Variants in AMN observed in about 807,000 individuals in gnomAD.
The protein encoded by AMN is amnion associated transmembrane protein.
In AMN, 40 loss-of-function variants were observed where a neutral mutation model predicts 49.1. That is an observed-to-expected ratio of 0.81 (90% confidence interval 0.63 to 1.06). AMN has a LOEUF of 1.06. Among genes scored for constraint, AMN ranks in the 50% least tolerant of loss-of-function variants. The pLI, the probability that AMN is intolerant of heterozygous loss-of-function variation, is 0.00. For missense variants in AMN, 701 were observed against 662.8 expected (o/e 1.06, Z -0.63); for synonymous variants, 380 against 313.3 (o/e 1.21, Z -2.25).
chr14:102,929,951 GTGTC>G lies in AMN; in HGVS notation c.872_875del (p.Val291AlafsTer122), dbSNP rs2139311803. 6.4e-7 allele frequency: 1 copy of G among 1,563,356 alleles called. No individual in the cohort carries two copies. The highest frequency in any genetic ancestry group is 1.2e-5 in the South Asian group (1 of 84,772). ...TCAGTACCACGGGCTGCAGGTGGCC[GTGTC>G]CAAGGTGCCACGCTCGTCCCGGCTC... On this transcript the variant is annotated frameshift_variant, in exon 9 of 12. Transcript: ENST00000299155. LOFTEE classifies it high-confidence loss of function.
rs777755176 is a variant in AMN, at chr14:102,928,865, G to A, written c.403G>A (p.Val135Met). Residue 135 changes from valine (V) to methionine (M), a missense_variant, in exon 5 of 12, where the codon GTG becomes ATG. Val to Met is a conservative substitution (Grantham distance 21, BLOSUM62 1). Transcript: ENST00000299155. ...CCTCTTCTTCGTGGACGCCGAGCGC[G>A]TGCCCTGCCGCCACGACGACGTCTT... ...PGLFFVDAERVPCRHDDVFFP... is the reference protein window; with the variant it reads ...PGLFFVDAERMPCRHDDVFFP... 2 of 1,604,308 alleles carry A rather than the reference G, an allele frequency of 1.2e-6. No individual in the cohort carries two copies. Among genetic ancestry groups the A allele is most frequent in the East Asian group, 2.2e-5 (1 of 44,878 alleles).
In AMN at chr14:102,929,481, C is replaced by G. The variant is rs577843988; in HGVS notation, c.705C>G (p.Pro235=). 1.7e-5 allele frequency: 26 copies of G among 1,532,092 alleles called. No homozygotes were observed. Among genetic ancestry groups the G allele is most frequent in the Admixed American group, 1.4e-4 (7 of 50,866 alleles). The allele number at this position is 1,532,092 out of a possible 1,614,324, so 94.9% of individuals were successfully genotyped here. The change falls in exon 7 of 12, where the codon CCC becomes CCG. Residue 235 remains proline, a synonymous_variant. Coordinates refer to ENST00000299155, the MANE Select transcript of AMN (RefSeq NM_030943.4). ...TCCAGCCCCTGGGCGGCCGCTGCCC[C>G]CAGGCCGCCTGCCACAGCGCCCTCC... The part of the protein sequence containing the change: ...ALLQPLGGRC[P]QAACHSALRP...
chr14:102,928,964 G>T lies in AMN; in HGVS notation c.502G>T (p.Ala168Ser). ...CCCCGTGCGTGTCCGCAGCATCTCG[G>T]CTCTGGGCCGGGTGAGCACTGAGGG... ...ASPVRVRSIS[A>S]LGRTFTRDED... Residue 168 changes from alanine (A) to serine (S), a missense_variant, in exon 5 of 12, where the codon GCT becomes TCT. Ala to Ser is a moderately conservative substitution (Grantham distance 99). Transcript: ENST00000299155. The T allele has an allele frequency of 4.4e-6, 7 of 1,598,934 alleles. No individual in the cohort carries two copies. Among genetic ancestry groups the T allele is most frequent in the Non-Finnish European group, 5.9e-6 (7 of 1,179,514 alleles).
chr14:102,924,061 G>T (rs2139301773), intron 3 of AMN, 82 bp downstream of exon 3: 3 of 1,593,872 alleles, frequency 1.9e-6, no homozygotes, highest in East Asian at 2.2e-5. Context: ...TGCCTTGAGG[G>T]CGGACCCCAC....
intron 1 of AMN, chr14:102,923,455 T>C (rs1891108321): frequency 5.9e-6 from 3 of 504,392 alleles, no homozygotes; most frequent in East Asian, 3.6e-5. Context: ...CGGGAGGCTA[T>C]CTAGGCAGGC....
intron 4 of AMN, 42 bp from the exon 5 acceptor site, chr14:102,928,706 TGGTGTGGCGC>T: frequency 6.4e-7 from 1 of 1,570,242 alleles, no homozygotes; most frequent in South Asian, 1.1e-5. Flanking sequence ...TGGCGTGGCG[TGGTGTGGCGC>T]GGCGCTTGTT....
chr14:102,930,468 T>TG lies in AMN; in HGVS notation c.1232_1233insG (p.Phe411LeufsTer?). ...CCCCTCGGCTTCCGCAACCCGGTGT[T>TG]CGACGTGACGGCCTCCGAGGAGCTG... On this transcript the variant is annotated frameshift_variant, in exon 11 of 12. Coordinates refer to ENST00000299155, the MANE Select transcript of AMN (RefSeq NM_030943.4). LOFTEE classifies it low-confidence loss of function (END_TRUNC). The TG allele has an allele frequency of 6.5e-7, 1 of 1,531,570 alleles. No homozygotes were observed. Among genetic ancestry groups the TG allele is most frequent in the Non-Finnish European group, 8.8e-7 (1 of 1,142,156 alleles). The allele number at this position is 1,531,570 out of a possible 1,614,324, so 94.9% of individuals were successfully genotyped here.
chr14:102,926,584 ATT>A (rs11323567), intron 3 of AMN, among the ~76,000 whole-genome samples: 57 of 136,766 alleles, frequency 4.2e-4, no homozygotes, highest in East Asian at 1.5e-3. Context: ...AAAACCCTGG[ATT>A]TTTTTTTTTT....
intron 1 of AMN, chr14:102,923,243 C>T (rs552539421): frequency 3.7e-6 from 1 of 270,772 alleles, no homozygotes; most frequent in African/African-American, 2.2e-5. Flanking sequence ...GGTCCTGCCG[C>T]CCCCAGCCCC....
At chr14:102,924,865 C>A (rs1179698049) in intron 3 of AMN, among the ~76,000 whole-genome samples, 2 of 152,132 alleles carry the variant, frequency 1.3e-5, no homozygotes, top group African/African-American at 4.8e-5. Flanking sequence ...GCAGCCCCTA[C>A]GGGTGGAGCA....
chr14:102,922,665 T>TC lies in AMN; in HGVS notation c.-24_-23insC, dbSNP rs1891080798. On this transcript the variant is annotated 5_prime_UTR_variant, in exon 1 of 12. Transcript: ENST00000299155. ...GGTCCAGTGGGGCAAAGTCTCCTGG[T>TC]GGGGTGCAAGGAGCCGAGGCGAGAT... is the stretch of plus-strand genomic sequence containing the variant. 5 of 1,595,614 alleles carry TC rather than the reference T, an allele frequency of 3.1e-6. No homozygotes were observed. The highest frequency in any genetic ancestry group is 3.4e-6 in the Non-Finnish European group (4 of 1,174,444).
rs1408775986 is a variant in AMN at position 102,929,516 on chromosome 14, G to A, written c.740G>A (p.Gly247Glu). The A allele has an allele frequency of 5.2e-6, 8 of 1,535,812 alleles. No homozygotes were observed. Among genetic ancestry groups the A allele is most frequent in the Admixed American group, 3.9e-5 (2 of 50,938 alleles). Residue 247 changes from glycine to glutamate, a missense_variant, in exon 7 of 12, where the codon GGG becomes GAG. Physicochemically the swap from Gly to Glu is moderately conservative, Grantham distance 98. Coordinates refer to ENST00000299155, the MANE Select transcript of AMN (RefSeq NM_030943.4). Reference sequence around the variant, plus strand: ...TGCCACAGCGCCCTCCGGCCCCAGGGGCAGTGCTGTGACCTCTGTGGTAAG... The same window carrying A: ...TGCCACAGCGCCCTCCGGCCCCAGGAGCAGTGCTGTGACCTCTGTGGTAAG... ...AACHSALRPQ[G>E]QCCDLCGAVV...
chr14:102,928,567 A>T, intron 4 of AMN, 54 bp downstream of exon 4: 1 of 1,554,998 alleles, frequency 6.4e-7, no homozygotes, highest in Non-Finnish European at 8.7e-7. Flanking sequence ...AGGGGCGGGG[A>T]CTGGAGGGAA....
At chr14:102,922,832 G>GT in intron 1 of AMN, 101 bp downstream of exon 1, 1 of 1,473,712 alleles carries the variant, frequency 6.8e-7, no homozygotes, top group Non-Finnish European at 9.1e-7. Context: ...CTTCCGAGGA[G>GT]TGGGCAGGGA....
Position 102,930,827 on chromosome 14 carries a change from A to G in AMN, c.*147A>G, listed in dbSNP as rs753296465. On this transcript the variant is annotated 3_prime_UTR_variant, in exon 12 of 12. Transcript: ENST00000299155. The stretch of plus-strand genomic sequence containing the variant: ...CAAGGACAGGGTGGCCTTACTCAGT[A>G]AAGGTGTTTCCTGCACCTGCTGTCA... The G allele has an allele frequency of 1.6e-5, 15 of 934,538 alleles. No individual in the cohort carries two copies. Among genetic ancestry groups the G allele is most frequent in the Middle Eastern group, 3.1e-4 (1 of 3,178 alleles). The allele number at this position is 934,538 out of a possible 1,614,324, so 57.9% of individuals were successfully genotyped here.
At chr14:102,930,124 G>T in intron 9 of AMN, 38 bp downstream of exon 9, 6 of 1,500,316 alleles carry the variant, frequency 4.0e-6, no homozygotes, top group Non-Finnish European at 5.3e-6. Flanking sequence ...GCCGCGCCTC[G>T]CCCCGCCGCG....
rs1891111747 is a variant in AMN, at chr14:102,923,524, C to T, written c.44-187C>T. 1.6e-5 allele frequency: 10 copies of T among 629,036 alleles called. No individual in the cohort carries two copies. In the East Asian group the frequency reaches 2.5e-4, roughly 16 times the overall value. The allele number at this position is 629,036 out of a possible 1,614,324, so 39.0% of individuals were successfully genotyped here. Reference sequence around the variant, plus strand: ...GTATCAGTAGAAGTCCGTTGGAGAGCGCCCGGGCAGGGCGCCCACAGTCTG... The same window carrying T: ...GTATCAGTAGAAGTCCGTTGGAGAGTGCCCGGGCAGGGCGCCCACAGTCTG... On this transcript the variant is annotated intron_variant, in intron 1 of 11. Transcript: ENST00000299155.
rs764759870 is a variant in AMN at position 102,923,834 on chromosome 14, C to T, written c.162+5C>T. ...GTTGAGTTCCCGGCGGACAAGGTGC[C>T]TGGGAGCGCCGGCGGGGTCGGTGAT... On this transcript the variant is annotated splice_donor_5th_base_variant and intron_variant, in intron 2 of 11. Coordinates refer to ENST00000299155, the MANE Select transcript of AMN (RefSeq NM_030943.4). 1 of 1,612,532 alleles carries T rather than the reference C, an allele frequency of 6.2e-7. No individual in the cohort carries two copies. Among genetic ancestry groups the T allele is most frequent in the Non-Finnish European group, 8.5e-7 (1 of 1,179,780 alleles).
rs1891296346 is a variant in AMN at position 102,929,971 on chromosome 14, G to A, written c.891G>A (p.Ser297=). Residue 297 remains serine, a synonymous_variant, in exon 9 of 12, where the codon TCG becomes TCA. Transcript: ENST00000299155. ...LQVAVSKVPR[S]SRLREADTEI... Reference sequence around the variant, plus strand: ...TGGCCGTGTCCAAGGTGCCACGCTCGTCCCGGCTCCGTGAGGCCGATACGG... The same window carrying A: ...TGGCCGTGTCCAAGGTGCCACGCTCATCCCGGCTCCGTGAGGCCGATACGG... The A allele has an allele frequency of 1.3e-6, 2 of 1,564,592 alleles. No homozygotes were observed. Among genetic ancestry groups the A allele is most frequent in the Admixed American group, 1.9e-5 (1 of 53,328 alleles).
Sources: allele counts gnomAD v4.1 joint callset (sites outside exome capture counted in the v4.1 genomes callset), GRCh38; gene constraint gnomAD v4.1.1; transcripts MANE v1.5; gene names NCBI Gene and HGNC (gene_info 2026-07-23, HGNC 2026-07-21).